Variants in NRXN3 observed in about 807,000 individuals in gnomAD.
The protein encoded by NRXN3 is neurexin III.
In NRXN3, 32 loss-of-function variants were observed where a neutral mutation model predicts 137.6. That is an observed-to-expected ratio of 0.23 (90% confidence interval 0.18 to 0.31). The LOEUF (loss-of-function observed/expected upper bound fraction) is 0.31, where lower values mean the gene tolerates loss of function less well. Among genes scored for constraint, NRXN3 ranks in the 10% least tolerant of loss-of-function variants. NRXN3 has a pLI of 1.00. For missense variants in NRXN3, 1,574 were observed against 2,062.5 expected (o/e 0.76, Z 4.59); for synonymous variants, 798 against 784.5 (o/e 1.02, Z -0.29).
chr14:79,416,667 C>CT (rs992464527), intron 15 of NRXN3, among the ~76,000 whole-genome samples: 24 of 152,234 alleles, frequency 1.6e-4, no homozygotes, highest in Middle Eastern at 3.4e-3. Context: ...CATGCAAAAC[C>CT]TTCATCCACA....
At chr14:78,805,470 A>G (rs1000765486) in intron 9 of NRXN3, among the ~76,000 whole-genome samples, 3 of 152,084 alleles carry the variant, frequency 2.0e-5, no homozygotes, top group African/African-American at 7.2e-5. Flanking sequence ...AGCAGCCTAC[A>G]GAGACTGGCA....
chr14:78,681,998 G>T (rs1295585169), intron 6 of NRXN3, among the ~76,000 whole-genome samples: 3 of 152,034 alleles, frequency 2.0e-5, no homozygotes, highest in Non-Finnish European at 4.4e-5. Flanking sequence ...CTCTCCAGTA[G>T]CAGCGATTAC....
rs186791613 is a variant in NRXN3, at chr14:78,388,279, G to A, written c.757+90419G>A. On this transcript the variant is annotated intron_variant, in intron 4 of 20. Coordinates refer to ENST00000335750, the MANE Select transcript of NRXN3 (RefSeq NM_001330195.2). Reference sequence around the variant, plus strand: ...GCGAGGCTCCTTTGACTACATTTAGGCTTATTGAGTGTATGCGCAGCTGCA... The same window carrying A: ...GCGAGGCTCCTTTGACTACATTTAGACTTATTGAGTGTATGCGCAGCTGCA... Among the ~76,000 whole-genome samples the A allele has an allele frequency of 6.6e-5, 10 of 152,272 alleles. No homozygotes were observed. The East Asian group carries it at 1.5e-3, about 24-fold the overall frequency.
intron 15 of NRXN3, among the ~76,000 whole-genome samples, chr14:79,071,411 G>A (rs561514873): frequency 2.0e-4 from 30 of 152,112 alleles, no homozygotes; most frequent in East Asian, 9.6e-4. Context: ...AGGCCCCAGC[G>A]TGTGAGGTTC....
intron 16 of NRXN3, among the ~76,000 whole-genome samples, chr14:79,498,159 G>A (rs542124841): frequency 9.9e-5 from 15 of 152,240 alleles, no homozygotes; most frequent in African/African-American, 3.4e-4. Context: ...TTCCTATAAT[G>A]AGCATGCGTT....
At chr14:79,352,304 T>C (rs1218930013) in intron 15 of NRXN3, among the ~76,000 whole-genome samples, 2 of 152,144 alleles carry the variant, frequency 1.3e-5, no homozygotes. Flanking sequence ...TCTGGTTGTG[T>C]AGCTAAATGT....
intron 11 of NRXN3, among the ~76,000 whole-genome samples, chr14:78,962,491 A>G (rs926269329): frequency 6.6e-6 from 1 of 152,210 alleles, no homozygotes; most frequent in African/African-American, 2.4e-5. Flanking sequence ...GTTTGCAGAC[A>G]GCATTCAGAG....
At chr14:79,059,544 A>G (rs2152649333) in intron 15 of NRXN3, among the ~76,000 whole-genome samples, 1 of 152,194 alleles carries the variant, frequency 6.6e-6, no homozygotes, top group Middle Eastern at 3.4e-3. Context: ...GGCATGAGCC[A>G]CCGCGCCTGG....
chr14:78,652,294 T>C (rs2097753304), intron 6 of NRXN3, among the ~76,000 whole-genome samples: 1 of 152,226 alleles, frequency 6.6e-6, no homozygotes, highest in African/African-American at 2.4e-5. Flanking sequence ...ACAGTGGGAC[T>C]TTGCCACTAC....
At chr14:78,732,499 C>A (rs1020503199) in intron 8 of NRXN3, among the ~76,000 whole-genome samples, 4 of 152,160 alleles carry the variant, frequency 2.6e-5, no homozygotes, top group Admixed American at 2.0e-4. Context: ...TGCCATGAGA[C>A]CTTTTTCCAA....
intron 4 of NRXN3, among the ~76,000 whole-genome samples, chr14:78,379,344 T>A (rs2088587034): frequency 6.6e-6 from 1 of 152,122 alleles, no homozygotes; most frequent in South Asian, 2.1e-4. Flanking sequence ...CCTTCATGAA[T>A]ATGACACACA....
intron 15 of NRXN3, among the ~76,000 whole-genome samples, chr14:79,162,120 T>G (rs79494760): frequency 1.4e-5 from 2 of 144,728 alleles, no homozygotes; most frequent in Non-Finnish European, 3.0e-5. Flanking sequence ...TTTTTTTTTT[T>G]GTGGTTAGCT....
chr14:79,730,033 A>G (rs1381745043), intron 19 of NRXN3, among the ~76,000 whole-genome samples: 1 of 152,148 alleles, frequency 6.6e-6, no homozygotes, highest in Non-Finnish European at 1.5e-5. Flanking sequence ...TCTCAGAAAG[A>G]AAGGGGGCTG....
intron 15 of NRXN3, chr14:79,279,672 G>A (rs1187452233): frequency 5.3e-5 from 52 of 986,092 alleles, no homozygotes; most frequent in Non-Finnish European, 6.0e-5. Context: ...GCTCCGTGGC[G>A]CTAGTCCAGC....
chr14:79,087,037 A>G (rs2048256451), intron 15 of NRXN3, among the ~76,000 whole-genome samples: 1 of 152,190 alleles, frequency 6.6e-6, no homozygotes, highest in African/African-American at 2.4e-5. Flanking sequence ...TGTTGGTGGG[A>G]GTTCTGAGCT....
At chr14:78,927,861 C>A (rs1405660703) in intron 10 of NRXN3, among the ~76,000 whole-genome samples, 1 of 152,130 alleles carries the variant, frequency 6.6e-6, no homozygotes, top group African/African-American at 2.4e-5. Context: ...TCTCTACATG[C>A]CTCAGCCTAT....
At chr14:78,679,569 A>G (rs2098051346) in intron 6 of NRXN3, among the ~76,000 whole-genome samples, 1 of 152,154 alleles carries the variant, frequency 6.6e-6, no homozygotes, top group African/African-American at 2.4e-5. Context: ...AAGCTACTAA[A>G]TTTTTCAGAA....
At position 79,861,909 on chromosome 14, in the gene NRXN3, G is replaced by A; in HGVS notation, c.4661G>A (p.Ser1554Asn). Residue 1554 changes from serine (S) to asparagine (N), a missense_variant, in exon 21 of 21, where the codon AGC (serine) becomes AAC (asparagine). By Grantham distance (46) the Ser-to-Asn change is conservative. Transcript: ENST00000335750. This position sits in a 1 kb window ranked among gnomAD's most constrained non-coding sequence, Gnocchi z 5.4. ...ACGCTCATGAAGGAGAAGCAGCAGA[G>A]CTCGAAGAGCGGCCACAAGAAACAG... ...NGTLMKEKQQ[S>N]SKSGHKKQKN... is the part of the protein sequence containing the mutation. The A allele has an allele frequency of 6.2e-7, 1 of 1,613,914 alleles. No individual in the cohort carries two copies. Among genetic ancestry groups the A allele is most frequent in the Non-Finnish European group, 8.5e-7 (1 of 1,179,906 alleles).
chr14:79,684,013 T>C (rs530311532), intron 17 of NRXN3, among the ~76,000 whole-genome samples: 4 of 152,302 alleles, frequency 2.6e-5, no homozygotes, highest in Non-Finnish European at 2.9e-5. Flanking sequence ...AGTTTCAAAG[T>C]ATTTTTAGAT....
Sources: allele counts gnomAD v4.1 joint callset (sites outside exome capture counted in the v4.1 genomes callset), GRCh38; gene constraint gnomAD v4.1.1; non-coding constraint Gnocchi (gnomAD v3.1); transcripts MANE v1.5; gene names NCBI Gene and HGNC (gene_info 2026-07-23, HGNC 2026-07-21).